Variants in DMD observed in about 807,000 individuals in gnomAD.
DMD encodes the protein mutant dystrophin.
DMD carries 63 observed loss-of-function variants against 330.1 expected under a neutral mutation model. The ratio of observed to expected loss-of-function variants is 0.19; its 90% CI spans 0.16 to 0.24. The LOEUF (loss-of-function observed/expected upper bound fraction) is 0.24. Among genes scored for constraint, DMD ranks in the 10% least tolerant of loss-of-function variants. DMD has a pLI of 1.00. For missense variants in DMD, 3,344 were observed against 2,684.1 expected (o/e 1.25, Z -5.43); for synonymous variants, 1,223 against 959.8 (o/e 1.27, Z -5.07).
intron 45 of DMD, among the ~76,000 whole-genome samples, chrX:31,961,740 G>GTTTTTTTTTTTTTTTTTTTTTTTT (rs59279553): frequency 5.3e-5 from 4 of 75,638 alleles, no homozygotes; most frequent in Non-Finnish European, 7.5e-5. Context: ...AAAGGAAGCG[G>GTTTTTTTTTTTTTTTTTTTTTTTT]TTTTTTTTTT....
At chrX:32,578,249 T>C (rs1403075410) in intron 13 of DMD, among the ~76,000 whole-genome samples, 1 of 112,467 alleles carries the variant, frequency 8.9e-6, no homozygotes, top group Non-Finnish European at 1.9e-5. Context: ...TCTATTTACG[T>C]ATAGGAATCC....
rs190211608 is a variant in DMD at position 32,608,631 on chromosome X, C to T, written c.1482+5672G>A. On this transcript the variant is annotated intron_variant, in intron 12 of 78. Coordinates refer to ENST00000357033, the MANE Select transcript of DMD (RefSeq NM_004006.3). ...TAATTGAAATTATCAAACTTTCATG[C>T]CCTTGTCAGAAAGTTAGCCATGATG... is the stretch of plus-strand genomic sequence containing the variant. Among the ~76,000 whole-genome samples the T allele has an allele frequency of 6.4e-5, 7 of 110,133 alleles. No homozygotes were observed. The East Asian group carries it at 2.0e-3, about 31-fold the overall frequency.
chrX:31,332,428 G>A (rs757034532), intron 61 of DMD, among the ~76,000 whole-genome samples: 20 of 111,911 alleles, frequency 1.8e-4, no homozygotes, highest in Admixed American at 1.7e-3. Context: ...AGAGAGAGGA[G>A]TAGAGAGAGA....
intron 44 of DMD, among the ~76,000 whole-genome samples, chrX:32,015,376 G>A (rs963933135): frequency 2.7e-5 from 3 of 111,263 alleles, no homozygotes; most frequent in African/African-American, 9.8e-5. Flanking sequence ...AGGTGATGCC[G>A]AGCATGATGG....
At chrX:33,008,576 G>C (rs761266719) in intron 2 of DMD, among the ~76,000 whole-genome samples, 1 of 109,830 alleles carries the variant, frequency 9.1e-6, no homozygotes, top group South Asian at 3.8e-4. Flanking sequence ...AAAATATATA[G>C]TAGCCCATGA....
chrX:32,599,298 G>C (rs1270788927), intron 12 of DMD, among the ~76,000 whole-genome samples: 1 of 111,524 alleles, frequency 9.0e-6, no homozygotes, highest in South Asian at 3.7e-4. Context: ...TAGCAGAAAC[G>C]CCAGACATAA....
intron 7 of DMD, among the ~76,000 whole-genome samples, chrX:32,730,945 T>A (rs1008201820): frequency 2.7e-5 from 3 of 111,520 alleles, no homozygotes; most frequent in African/African-American, 9.8e-5. Flanking sequence ...GGTCTACAGC[T>A]CCCAGAGTGA....
chrX:32,786,097 G>T (rs910970513), intron 7 of DMD, among the ~76,000 whole-genome samples: 2 of 107,149 alleles, frequency 1.9e-5, no homozygotes, highest in East Asian at 5.8e-4. Context: ...GTGTGTGTGT[G>T]TGTGTGTGTG....
At chrX:31,685,301 A>C (rs1043128069) in intron 52 of DMD, among the ~76,000 whole-genome samples, 1 of 112,128 alleles carries the variant, frequency 8.9e-6, no homozygotes, top group African/African-American at 3.2e-5. Context: ...ATCTGGGGAC[A>C]AAATTATCCC....
rs144526293 is a variant in DMD, at chrX:32,676,393, G to A, written c.960+21477C>T. On this transcript the variant is annotated intron_variant, in intron 9 of 78. Coordinates refer to ENST00000357033, the MANE Select transcript of DMD (RefSeq NM_004006.3). ...TTCAACATGGATAATATAACATAAA[G>A]GACTTATCTGTCTGTACCATAGAAA... Among the ~76,000 whole-genome samples, 384 of 110,975 alleles carry A rather than the reference G, an allele frequency of 3.5e-3. 4 individuals carry two copies. Among genetic ancestry groups the A allele is most frequent in the African/African-American group, 0.012 (376 of 30,607 alleles).
intron 7 of DMD, among the ~76,000 whole-genome samples, chrX:32,713,696 G>A (rs2065404325): frequency 9.0e-6 from 1 of 111,389 alleles, no homozygotes; most frequent in Non-Finnish European, 1.9e-5. Flanking sequence ...TTTATTGCTA[G>A]GGTTCTGTTA....
chrX:32,809,729 G>A, intron 6 of DMD, 118 bp from the exon 7 acceptor site: 1 of 568,687 alleles, frequency 1.8e-6, no homozygotes, highest in Non-Finnish European at 3.0e-6. Context: ...TAGTCCTTAA[G>A]TCTTGAGTGT....
chrX:31,562,704 T>C (rs181831934), intron 55 of DMD, among the ~76,000 whole-genome samples: 61 of 111,245 alleles, frequency 5.5e-4, no homozygotes, highest in African/African-American at 1.9e-3. Context: ...ATTAGGTATA[T>C]GCATCTCTTT....
At chrX:32,466,281 CTCTT>C (rs747737728) in intron 23 of DMD, among the ~76,000 whole-genome samples, 71 of 111,124 alleles carry the variant, frequency 6.4e-4, no homozygotes, top group Non-Finnish European at 1.3e-4. Flanking sequence ...TTCTCAAGAA[CTCTT>C]TCTTTCTCGG....
intron 7 of DMD, among the ~76,000 whole-genome samples, chrX:32,715,469 CAAAAAAAAAAAAA>C (rs61325834): frequency 7.8e-3 from 135 of 17,222 alleles, no homozygotes; most frequent in Non-Finnish European, 0.015. Flanking sequence ...GAGATTCCAT[CAAAAAAAAAAAAA>C]AAAAAAAAAA....
At chrX:32,288,661 C>A (rs2097453499) in intron 42 of DMD, among the ~76,000 whole-genome samples, 1 of 111,902 alleles carries the variant, frequency 8.9e-6, no homozygotes, top group Non-Finnish European at 1.9e-5. Context: ...TCAATCACAG[C>A]CAATTTCAAA....
intron 2 of DMD, among the ~76,000 whole-genome samples, chrX:33,011,803 T>A (rs1189126706): frequency 1.8e-5 from 2 of 112,184 alleles, no homozygotes; most frequent in African/African-American, 6.5e-5. Flanking sequence ...TCCATGTATG[T>A]TGTTTTGCTA....
At chrX:32,736,306 T>A (rs1417305245) in intron 7 of DMD, among the ~76,000 whole-genome samples, 22 of 111,245 alleles carry the variant, frequency 2.0e-4, no homozygotes, top group East Asian at 5.7e-4. Flanking sequence ...GAACACTTTT[T>A]CACTGTTGGT....
At chrX:32,442,644 G>A (rs2098286015) in intron 27 of DMD, among the ~76,000 whole-genome samples, 1 of 110,672 alleles carries the variant, frequency 9.0e-6, no homozygotes, top group African/African-American at 3.3e-5. Flanking sequence ...TCCACTTTTT[G>A]ATATGTGCAT....
Sources: gnomAD v4.1 joint callset for allele counts (sites outside exome capture counted in the v4.1 genomes callset) on GRCh38, gnomAD v4.1.1 for gene constraint, MANE v1.5 for transcripts, NCBI Gene and HGNC (gene_info 2026-07-23, HGNC 2026-07-21) for gene names.